Variants in MAST4 observed in about 807,000 individuals in gnomAD.
The protein encoded by MAST4 is microtubule associated serine/threonine kinase family member 4, also known as microtubule-associated serine/threonine-protein kinase 4.
A neutral mutation model predicts 162.7 loss-of-function variants in MAST4; 89 were observed. That is an observed-to-expected ratio of 0.55 (90% CI 0.46 to 0.65). The LOEUF (loss-of-function observed/expected upper bound fraction) is 0.65. Ranked by LOEUF, MAST4 falls within the 30% of genes least tolerant of loss-of-function variation. The pLI is 0.00. For missense variants in MAST4, 3,153 were observed against 3,374.0 expected (o/e 0.93, Z 1.62); for synonymous variants, 1,479 against 1,361.1 (o/e 1.09, Z -1.91).
At chr5:67,142,039 T>C in intron 19 of MAST4, 76 bp from the exon 20 acceptor site, 1 of 1,468,642 alleles carries the variant, frequency 6.8e-7, no homozygotes. Context: ...AAATTGTTGT[T>C]AAAAACTGAT....
At chr5:66,940,574 A>G (rs918406018) in intron 4 of MAST4, among the ~76,000 whole-genome samples, 2 of 152,170 alleles carry the variant, frequency 1.3e-5, no homozygotes, top group Non-Finnish European at 2.9e-5. Flanking sequence ...CTCTTCATCC[A>G]TTCAAGTTTT....
intron 1 of MAST4, among the ~76,000 whole-genome samples, chr5:66,713,108 C>A (rs1030584795): frequency 6.6e-6 from 1 of 152,152 alleles, no homozygotes; most frequent in African/African-American, 2.4e-5. Flanking sequence ...GAACAATCTG[C>A]TTCTTATTTC....
At chr5:66,674,070 C>T (rs878926079) in intron 1 of MAST4, among the ~76,000 whole-genome samples, 3 of 152,038 alleles carry the variant, frequency 2.0e-5, no homozygotes, top group Admixed American at 2.0e-4. Context: ...ATACATAATG[C>T]GAAAGTTAAA....
chr5:66,612,417 A>C (rs1464480635), intron 1 of MAST4, among the ~76,000 whole-genome samples: 7 of 152,204 alleles, frequency 4.6e-5, no homozygotes, highest in Non-Finnish European at 1.0e-4. Context: ...GGCTGCTGCC[A>C]ACTCGGCTTG....
chr5:66,930,608 T>A, intron 4 of MAST4: 2 of 418,230 alleles, frequency 4.8e-6, no homozygotes, highest in Non-Finnish European at 4.9e-6. Context: ...TTAGGAAGTT[T>A]AAAATTTTTT....
intron 4 of MAST4, among the ~76,000 whole-genome samples, chr5:66,933,689 A>G (rs1742414906): frequency 6.6e-6 from 1 of 152,198 alleles, no homozygotes; most frequent in Non-Finnish European, 1.5e-5. Context: ...CAAAGTGGCC[A>G]CATGTGGAGA....
At chr5:67,068,037 C>G (rs1458511172) in intron 5 of MAST4, among the ~76,000 whole-genome samples, 1 of 152,192 alleles carries the variant, frequency 6.6e-6, no homozygotes, top group East Asian at 1.9e-4. Flanking sequence ...CTCTGGAGCT[C>G]TGCTCCCCAG....
intron 26 of MAST4, among the ~76,000 whole-genome samples, chr5:67,156,596 CAG>C (rs1772567632): frequency 6.6e-6 from 1 of 152,086 alleles, no homozygotes; most frequent in African/African-American, 2.4e-5. Context: ...AGTATATAGT[CAG>C]GGGTGCGGGA....
chr5:66,845,243 T>G (rs1011376468), intron 3 of MAST4, among the ~76,000 whole-genome samples: 5 of 151,288 alleles, frequency 3.3e-5, no homozygotes, highest in African/African-American at 1.2e-4. Context: ...ACATTAGGCA[T>G]TTCTCCTAAT....
intron 3 of MAST4, among the ~76,000 whole-genome samples, chr5:66,871,689 C>G (rs958866572): frequency 6.6e-6 from 1 of 152,174 alleles, no homozygotes; most frequent in Non-Finnish European, 1.5e-5. Flanking sequence ...TTTAAGTGCT[C>G]CAGTCAAATT....
intron 4 of MAST4, among the ~76,000 whole-genome samples, chr5:67,023,901 A>G (rs1381810834): frequency 6.6e-6 from 1 of 151,486 alleles, no homozygotes; most frequent in African/African-American, 2.4e-5. Flanking sequence ...ATTTTTTAGG[A>G]TAGAAAAAAA....
intron 1 of MAST4, among the ~76,000 whole-genome samples, chr5:66,726,516 G>T (rs1483059318): frequency 1.3e-5 from 2 of 152,120 alleles, no homozygotes; most frequent in Middle Eastern, 3.2e-3. Context: ...GGGTCAGTTT[G>T]TGAAGTACCT....
At chr5:67,011,312 C>A (rs192885006) in intron 4 of MAST4, among the ~76,000 whole-genome samples, 37 of 152,270 alleles carry the variant, frequency 2.4e-4, no homozygotes, top group African/African-American at 8.9e-4. Context: ...GCCTGACCTG[C>A]AGGCTCTGCC....
chr5:67,010,895 G>T (rs765590108), intron 4 of MAST4, among the ~76,000 whole-genome samples: 1 of 152,120 alleles, frequency 6.6e-6, no homozygotes, highest in Non-Finnish European at 1.5e-5. Context: ...GAGAACAGGG[G>T]TGGTGGCCAC....
chr5:66,831,940 G>A lies in MAST4; in HGVS notation c.642+43146G>A, dbSNP rs1381748480. 5.9e-5 allele frequency among the ~76,000 whole-genome samples: 9 copies of A among 152,194 alleles called. No homozygotes were observed. In the East Asian group the frequency reaches 7.7e-4, roughly 13 times the overall value. ...CTTTTGGGCCTAATATTCCTCATACGTGGATCATATTTTTTAACTGTCAGG... is the reference window on the plus strand; with the variant it reads ...CTTTTGGGCCTAATATTCCTCATACATGGATCATATTTTTTAACTGTCAGG... On this transcript the variant is annotated intron_variant, in intron 3 of 28. Coordinates refer to ENST00000403625, the MANE Select transcript of MAST4 (RefSeq NM_001164664.2).
At chr5:66,709,126 T>C (rs1262627501) in intron 1 of MAST4, among the ~76,000 whole-genome samples, 1 of 152,178 alleles carries the variant, frequency 6.6e-6, no homozygotes, top group Non-Finnish European at 1.5e-5. Flanking sequence ...AATTTTTCCT[T>C]CTTCTGTTGA....
Position 67,094,160 on chromosome 5 carries a change from T to C in MAST4, c.834-1437T>C, listed in dbSNP as rs370311906. ...TTGTACTCCAATCATGGTACAGAAATGACAGGTAAATTTTACTAAAATCTT... is the reference window on the plus strand; with the variant it reads ...TTGTACTCCAATCATGGTACAGAAACGACAGGTAAATTTTACTAAAATCTT... On this transcript the variant is annotated intron_variant, in intron 6 of 28. Coordinates refer to ENST00000403625, the MANE Select transcript of MAST4 (RefSeq NM_001164664.2). 1.5e-5 allele frequency: 23 copies of C among 1,504,148 alleles called. No individual in the cohort carries two copies. The African/African-American group carries it at 2.5e-4, about 16-fold the overall frequency. 93.2% of individuals were successfully genotyped at this position (1,504,148 alleles called of 1,614,324 possible).
intron 5 of MAST4, among the ~76,000 whole-genome samples, chr5:67,077,573 T>G (rs1761812451): frequency 6.6e-6 from 1 of 152,176 alleles, no homozygotes; most frequent in Admixed American, 6.5e-5. Context: ...TCCTCACCAT[T>G]CACTGCTCTG....
chr5:66,968,924 C>T (rs893339734), intron 4 of MAST4, among the ~76,000 whole-genome samples: 2 of 144,242 alleles, frequency 1.4e-5, no homozygotes, highest in African/African-American at 2.5e-5. Context: ...AGATTACACA[C>T]GGAAGAGGAT....
Sources: gnomAD v4.1 joint callset for allele counts (sites outside exome capture counted in the v4.1 genomes callset) on GRCh38, gnomAD v4.1.1 for gene constraint, MANE v1.5 for transcripts, NCBI Gene and HGNC (gene_info 2026-07-23, HGNC 2026-07-21) for gene names.